The following TFAP2D variants were observed in gnomAD, a reference collection of about 807,000 sequenced individuals.
TFAP2D encodes the protein transcription factor AP-2-delta.
Under a neutral mutation model 43.6 loss-of-function variants are expected in TFAP2D, and 9 were observed. The ratio of observed to expected loss-of-function variants is 0.21; its 90% CI spans 0.12 to 0.36. TFAP2D has a LOEUF of 0.36. Ranked by LOEUF, TFAP2D falls within the 10% of genes least tolerant of loss-of-function variation. TFAP2D has a pLI of 1.00. For missense variants in TFAP2D, 513 were observed against 561.4 expected (o/e 0.91, Z 0.87); for synonymous variants, 256 against 224.9 (o/e 1.14, Z -1.24).
intron 7 of TFAP2D, among the ~76,000 whole-genome samples, chr6:50,757,482 T>A (rs1455570686): frequency 1.0e-5 from 1 of 95,670 alleles, no homozygotes; most frequent in African/African-American, 4.6e-5. Flanking sequence ...AATTATTCTA[T>A]ATATATATAA....
chr6:50,720,881 T>C (rs112160648), intron 3 of TFAP2D, among the ~76,000 whole-genome samples: 27 of 152,320 alleles, frequency 1.8e-4, no homozygotes, highest in Non-Finnish European at 2.6e-4. Context: ...GCATTCGCTT[T>C]CACACTTGAC....
chr6:50,733,839 G>A (rs115076970), intron 5 of TFAP2D, among the ~76,000 whole-genome samples: 3,743 of 152,110 alleles, frequency 0.025, 149 homozygotes, highest in African/African-American at 0.084. Context: ...CAGTTTTGCT[G>A]CATTTGCAAA....
At position 50,773,032 on chromosome 6, in the gene TFAP2D, C is replaced by A. The variant is rs9367414; in HGVS notation, c.*168C>A. 630 of 469,760 alleles carry A rather than the reference C, an allele frequency of 1.3e-3. No homozygotes were observed. Among genetic ancestry groups the A allele is most frequent in the South Asian group, 4.8e-3 (124 of 25,888 alleles). The allele number at this position is 469,760 out of a possible 1,614,324, so 29.1% of individuals were successfully genotyped here. A position where few individuals can be genotyped will look rare whatever the true frequency, so the allele number is the denominator to read the frequency against. On this transcript the variant is annotated 3_prime_UTR_variant, in exon 8 of 8. Transcript: ENST00000008391. ...AAAATGAAACAAAAAAGGACAAAAC[C>A]AAAAAAAAAAGAAAAAAAAAGGAAA...
At chr6:50,746,924 G>T (rs1769132828) in intron 6 of TFAP2D, among the ~76,000 whole-genome samples, 1 of 152,120 alleles carries the variant, frequency 6.6e-6, no homozygotes, top group Admixed American at 6.5e-5. Context: ...GTTGGTGGCA[G>T]AAGGAATAGA....
chr6:50,762,024 C>T (rs1769369566), intron 7 of TFAP2D, among the ~76,000 whole-genome samples: 1 of 152,020 alleles, frequency 6.6e-6, no homozygotes, highest in Admixed American at 6.6e-5. Flanking sequence ...CAAGCAATTT[C>T]TAAGTATAAA....
intron 7 of TFAP2D, among the ~76,000 whole-genome samples, chr6:50,762,683 T>C (rs1300170360): frequency 1.3e-5 from 2 of 152,108 alleles, no homozygotes; most frequent in Non-Finnish European, 2.9e-5. Flanking sequence ...AGATGACTGT[T>C]AAATATAAGT....
intron 7 of TFAP2D, among the ~76,000 whole-genome samples, chr6:50,756,965 T>G (rs1314280982): frequency 3.3e-5 from 5 of 151,916 alleles, no homozygotes; most frequent in Non-Finnish European, 5.9e-5. Flanking sequence ...TGGTCTCTTA[T>G]GTTCTCATAA....
intron 7 of TFAP2D, among the ~76,000 whole-genome samples, chr6:50,758,311 C>T (rs927920346): frequency 2.0e-5 from 3 of 151,938 alleles, no homozygotes; most frequent in Admixed American, 6.6e-5. Context: ...TTCTCTCCAA[C>T]GTCTCTGTCA....
At chr6:50,760,548 A>G (rs1444256738) in intron 7 of TFAP2D, among the ~76,000 whole-genome samples, 3 of 152,066 alleles carry the variant, frequency 2.0e-5, no homozygotes, top group Non-Finnish European at 4.4e-5. Flanking sequence ...GTTGATGTCA[A>G]TGATTCTTCA....
chr6:50,751,148 C>A, intron 6 of TFAP2D, 63 bp from the exon 7 acceptor site: 2 of 1,147,984 alleles, frequency 1.7e-6, no homozygotes, highest in Non-Finnish European at 2.6e-6. Flanking sequence ...GGTTAAATAT[C>A]ATGGGATGAA....
At chr6:50,747,612 T>C (rs895600101) in intron 6 of TFAP2D, among the ~76,000 whole-genome samples, 1 of 152,074 alleles carries the variant, frequency 6.6e-6, no homozygotes, top group Non-Finnish European at 1.5e-5. Context: ...ATCAATGCAA[T>C]AAATACAATT....
rs1421436994 is a variant in TFAP2D at position 50,715,431 on chromosome 6, G to C, written c.355G>C (p.Ala119Pro). The change falls in exon 2 of 8, where the codon GCG becomes CCG. Residue 119 changes from alanine to proline, a missense_variant. Physicochemically the swap from Ala to Pro is conservative, Grantham distance 27. Transcript: ENST00000008391. ...CACCGACTTTATTAACCTGCACAAT[G>C]CGCGGGCGCTCAAGTCGTCCTGCCT... ...EPTDFINLHN[A>P]RALKSSCLDE... 6.2e-7 allele frequency: 1 copy of C among 1,614,138 alleles called. No individual in the cohort carries two copies. The highest frequency in any genetic ancestry group is 1.1e-5 in the South Asian group (1 of 91,076).
At chr6:50,724,930 G>A (rs757276336) in intron 3 of TFAP2D, among the ~76,000 whole-genome samples, 24 of 152,106 alleles carry the variant, frequency 1.6e-4, no homozygotes, top group Admixed American at 5.2e-4. Flanking sequence ...TCCTTACAAG[G>A]TGGGGAGATA....
intron 6 of TFAP2D, among the ~76,000 whole-genome samples, chr6:50,750,507 T>C (rs1581772739): frequency 6.6e-6 from 1 of 151,966 alleles, no homozygotes; most frequent in East Asian, 1.9e-4. Flanking sequence ...ATTATATCAT[T>C]TGGAGTGTAC....
At chr6:50,760,429 T>A (rs1466963720) in intron 7 of TFAP2D, among the ~76,000 whole-genome samples, 2 of 152,002 alleles carry the variant, frequency 1.3e-5, no homozygotes, top group Non-Finnish European at 2.9e-5. Flanking sequence ...ACATTACTAT[T>A]TTTGAAATAA....
chr6:50,736,060 C>T (rs1768959788), intron 5 of TFAP2D, among the ~76,000 whole-genome samples: 1 of 152,096 alleles, frequency 6.6e-6, no homozygotes, highest in Non-Finnish European at 1.5e-5. Context: ...ACATATGAAA[C>T]TAAAAGTCAT....
chr6:50,741,253 T>C (rs1026918475), intron 5 of TFAP2D, among the ~76,000 whole-genome samples: 1 of 152,162 alleles, frequency 6.6e-6, no homozygotes, highest in African/African-American at 2.4e-5. Flanking sequence ...AGCACCAACC[T>C]GATCCACCTA....
At chr6:50,739,141 A>G (rs927712826) in intron 5 of TFAP2D, among the ~76,000 whole-genome samples, 3 of 152,184 alleles carry the variant, frequency 2.0e-5, no homozygotes, top group Admixed American at 1.3e-4. Context: ...TTACATATGT[A>G]TACATGTGCC....
At chr6:50,772,296 T>C (rs1769540010) in intron 7 of TFAP2D, among the ~76,000 whole-genome samples, 1 of 152,134 alleles carries the variant, frequency 6.6e-6, no homozygotes, top group South Asian at 2.1e-4. Flanking sequence ...ACGTAAATGA[T>C]GAGTTAATGG....
Sources: allele counts gnomAD v4.1 joint callset (sites outside exome capture counted in the v4.1 genomes callset), GRCh38; gene constraint gnomAD v4.1.1; transcripts MANE v1.5; gene names NCBI Gene and HGNC (gene_info 2026-07-23, HGNC 2026-07-21).